Variants in LRMDA observed in about 807,000 individuals in gnomAD.
LRMDA encodes leucine-rich melanocyte differentiation-associated protein.
LRMDA carries 18 observed loss-of-function variants against 29.8 expected under a neutral mutation model. That is an observed-to-expected ratio of 0.60 (90% CI 0.42 to 0.90). The LOEUF (loss-of-function observed/expected upper bound fraction) is 0.90, where lower values mean the gene tolerates loss of function less well. LRMDA is among the 40% of genes least tolerant of loss of function. The pLI is 0.00. For missense variants in LRMDA, 273 were observed against 273.9 expected (o/e 1.00, Z 0.02); for synonymous variants, 125 against 109.4 (o/e 1.14, Z -0.89).
At position 75,633,226 on chromosome 10, in the gene LRMDA, C is replaced by T. The variant is rs561024448; in HGVS notation, c.131+194732C>T. Among the ~76,000 whole-genome samples the T allele has an allele frequency of 2.1e-4, 32 of 152,242 alleles. 1 individual carries two copies. The South Asian group carries it at 6.2e-3, about 30-fold the overall frequency. The stretch of plus-strand genomic sequence containing the variant: ...TCTCTAGTGGCCACAAACCTTATGG[C>T]GTAACTTTCTAAATGGGGAGAAGAA... On this transcript the variant is annotated intron_variant, in intron 2 of 6. Transcript: ENST00000611255.
intron 5 of LRMDA, among the ~76,000 whole-genome samples, chr10:76,059,742 G>C (rs557250133): frequency 6.6e-6 from 1 of 152,208 alleles, no homozygotes; most frequent in African/African-American, 2.4e-5. Flanking sequence ...AAACAAAACA[G>C]AACAATGAAA....
intron 5 of LRMDA, among the ~76,000 whole-genome samples, chr10:76,312,413 C>T (rs1040533292): frequency 1.3e-5 from 2 of 152,108 alleles, no homozygotes; most frequent in African/African-American, 4.8e-5. Context: ...TCTGGCCTAG[C>T]CTGACAGAGC....
intron 2 of LRMDA, among the ~76,000 whole-genome samples, chr10:75,907,943 T>A (rs1845783698): frequency 6.6e-6 from 1 of 152,000 alleles, no homozygotes; most frequent in Admixed American, 6.6e-5. Flanking sequence ...CTTGGGCAGG[T>A]GAAGGGGAAA....
intron 2 of LRMDA, among the ~76,000 whole-genome samples, chr10:75,612,104 G>A (rs1356058415): frequency 6.6e-6 from 1 of 152,198 alleles, no homozygotes; most frequent in Admixed American, 6.5e-5. Flanking sequence ...GTGTGGGCTA[G>A]GTACGAATGA....
In LRMDA at chr10:76,558,073, T is replaced by C. The variant is rs1843579745; in HGVS notation, c.*785T>C. On this transcript the variant is annotated 3_prime_UTR_variant, in exon 7 of 7. Transcript: ENST00000611255. Reference sequence around the variant, plus strand: ...ACTTCTTGCCCTGAATATGATGCAGTGTAAGGCATAAGGCATCTTTCTCAG... The same window carrying C: ...ACTTCTTGCCCTGAATATGATGCAGCGTAAGGCATAAGGCATCTTTCTCAG... 6.6e-6 allele frequency: 1 copy of C among 152,228 alleles called. No individual in the cohort carries two copies. Among genetic ancestry groups the C allele is most frequent in the African/African-American group, 2.4e-5 (1 of 41,458 alleles). 9.4% of individuals were successfully genotyped at this position (152,228 alleles called of 1,614,324 possible).
intron 2 of LRMDA, among the ~76,000 whole-genome samples, chr10:75,857,320 G>A (rs1365142082): frequency 6.6e-6 from 1 of 152,174 alleles, no homozygotes; most frequent in Non-Finnish European, 1.5e-5. Context: ...CTTTCCAGTT[G>A]ATGCAGGCAG....
rs576375334 is a variant in LRMDA at position 75,695,329 on chromosome 10, AC to A, written c.131+256836del. 4.9e-3 allele frequency among the ~76,000 whole-genome samples: 740 copies of A among 152,308 alleles called. 6 individuals are homozygous for A. The highest frequency in any genetic ancestry group is 6.4e-3 in the Non-Finnish European group (433 of 68,026). On this transcript the variant is annotated intron_variant, in intron 2 of 6. Coordinates refer to ENST00000611255, the MANE Select transcript of LRMDA (RefSeq NM_001305581.2). The stretch of plus-strand genomic sequence containing the variant: ...AAATTATCTATCAGTTCATTAAAAT[AC>A]AATTGCTTTAATTTTACCCTTTTCT...
rs775235354 is a variant in LRMDA, at chr10:76,324,444, C to T, written c.560C>T (p.Thr187Met). 12 of 1,614,122 alleles carry T rather than the reference C, an allele frequency of 7.4e-6. No homozygotes were observed. The highest frequency in any genetic ancestry group is 6.7e-5 in the African/African-American group (5 of 75,032). Residue 187 changes from threonine to methionine, a missense_variant, in exon 6 of 7, where the codon ACG becomes ATG. Transcript: ENST00000611255. ...GCCAGCTCCCCGGAGCGCCACTACACGCCCTTGCCTTCTGCTTCCAGGGAA... is the reference window on the plus strand; with the variant it reads ...GCCAGCTCCCCGGAGCGCCACTACATGCCCTTGCCTTCTGCTTCCAGGGAA... ...DVASSPERHYTPLPSASRELT... is the reference protein window; with the variant it reads ...DVASSPERHYMPLPSASRELT...
At chr10:75,527,129 A>G (rs1017366142) in intron 2 of LRMDA, among the ~76,000 whole-genome samples, 2 of 152,158 alleles carry the variant, frequency 1.3e-5, no homozygotes, top group African/African-American at 2.4e-5. Flanking sequence ...ATTATACAGT[A>G]TGTGGTATTT....
At chr10:75,605,730 G>T (rs1840947840) in intron 2 of LRMDA, among the ~76,000 whole-genome samples, 1 of 152,180 alleles carries the variant, frequency 6.6e-6, no homozygotes, top group South Asian at 2.1e-4. Context: ...GGTGAAGCTG[G>T]GACAGAAATC....
intron 5 of LRMDA, among the ~76,000 whole-genome samples, chr10:76,195,437 G>C (rs1030530470): frequency 6.6e-6 from 1 of 152,126 alleles, no homozygotes; most frequent in Non-Finnish European, 1.5e-5. Context: ...CAGCACCTTT[G>C]ATTGCCCCAT....
chr10:75,596,008 G>A lies in LRMDA; in HGVS notation c.131+157514G>A, dbSNP rs186736278. ...ATAATATGATGATCTGCTTTTTTTC[G>A]CTATAGCAGTCATCACTTCTAGTGT... On this transcript the variant is annotated intron_variant, in intron 2 of 6. Coordinates refer to ENST00000611255, the MANE Select transcript of LRMDA (RefSeq NM_001305581.2). Among the ~76,000 whole-genome samples, 205 of 151,910 alleles carry A rather than the reference G, an allele frequency of 1.3e-3. 2 individuals are homozygous for A. Among genetic ancestry groups the A allele is most frequent in the Admixed American group, 4.1e-3 (63 of 15,268 alleles).
At chr10:75,990,489 A>C (rs1173087920) in intron 2 of LRMDA, among the ~76,000 whole-genome samples, 1 of 152,196 alleles carries the variant, frequency 6.6e-6, no homozygotes, top group Non-Finnish European at 1.5e-5. Flanking sequence ...AGAAATTATT[A>C]ATGGTTTAGT....
chr10:75,450,279 T>A (rs969053887), intron 2 of LRMDA: 6 of 152,160 alleles, frequency 3.9e-5, no homozygotes, highest in Admixed American at 3.9e-4. Context: ...AGTGTTTTTT[T>A]AAAGCTCCTC....
chr10:75,448,465 T>C lies in LRMDA; in HGVS notation c.131+9971T>C, dbSNP rs191696771. Among the ~76,000 whole-genome samples the C allele has an allele frequency of 6.6e-5, 10 of 152,170 alleles. No homozygotes were observed. The East Asian group carries it at 1.9e-3, about 29-fold the overall frequency. ...GGTGGCTGTTAGGAGCAGTGGTGAT[T>C]TGGGGGTGTTAGGAAGGAGACTGGA... On this transcript the variant is annotated intron_variant, in intron 2 of 6. Coordinates refer to ENST00000611255, the MANE Select transcript of LRMDA (RefSeq NM_001305581.2).
At chr10:75,521,510 C>T (rs746094285) in intron 2 of LRMDA, among the ~76,000 whole-genome samples, 3 of 152,202 alleles carry the variant, frequency 2.0e-5, no homozygotes, top group East Asian at 1.9e-4. Context: ...TGGGGCCCAC[C>T]GAGCCAGGCA....
intron 2 of LRMDA, among the ~76,000 whole-genome samples, chr10:75,620,787 A>T (rs1360675257): frequency 6.6e-6 from 1 of 152,094 alleles, no homozygotes; most frequent in Non-Finnish European, 1.5e-5. Flanking sequence ...ATTAATTCTT[A>T]TGACTTTGTG....
intron 6 of LRMDA, among the ~76,000 whole-genome samples, chr10:76,431,827 C>A (rs987079733): frequency 2.0e-5 from 3 of 152,144 alleles, no homozygotes; most frequent in Non-Finnish European, 4.4e-5. Flanking sequence ...GTCTCCCGTG[C>A]TGTTCACATG....
At chr10:76,332,970 G>A (rs764317845) in intron 6 of LRMDA, among the ~76,000 whole-genome samples, 74 of 152,184 alleles carry the variant, frequency 4.9e-4, no homozygotes, top group Admixed American at 5.2e-4. Context: ...AGCTCTATTA[G>A]TTGGTAAAAG....
Sources: gnomAD v4.1 joint callset for allele counts (sites outside exome capture counted in the v4.1 genomes callset) on GRCh38, gnomAD v4.1.1 for gene constraint, MANE v1.5 for transcripts, NCBI Gene and HGNC (gene_info 2026-07-23, HGNC 2026-07-21) for gene names.